DRC11: variants seen among roughly 807,000 people sequenced by gnomAD.
DRC11 encodes the protein dynein regulatory complex subunit 11.
the DRC11 span, among the ~76,000 whole-genome samples, chr2:236,461,635 C>A: frequency 6.6e-6 from 1 of 152,166 alleles, no homozygotes; most frequent in African/African-American, 2.4e-5. The surrounding 1 kb of genome is among the most constrained non-coding windows in gnomAD (Gnocchi z 4.0). Context: ...GCAGTGGTTA[C>A]AGCCTGGAGA....
At chr2:236,500,917 C>T in the DRC11 span, among the ~76,000 whole-genome samples, 18,867 of 152,068 alleles carry the variant, frequency 0.12, 2,326 homozygotes, top group East Asian at 0.33. This position sits in a 1 kb window ranked among gnomAD's most constrained non-coding sequence, Gnocchi z 6.3. Flanking sequence ...AGCCTGGTCT[C>T]GAACTCCCAA....
At chr2:236,318,442 C>T in the DRC11 span, among the ~76,000 whole-genome samples, 1 of 152,022 alleles carries the variant, frequency 6.6e-6, no homozygotes, top group South Asian at 2.1e-4. The surrounding 1 kb of genome is among the most constrained non-coding windows in gnomAD (Gnocchi z 7.0). Flanking sequence ...TGTGTGAACA[C>T]ATGCATGTGT....
chr2:236,371,486 T>A, the DRC11 span, among the ~76,000 whole-genome samples: 2 of 152,082 alleles, frequency 1.3e-5, no homozygotes, highest in Non-Finnish European at 2.9e-5. The surrounding 1 kb of genome is among the most constrained non-coding windows in gnomAD (Gnocchi z 5.1). Context: ...CCTGAGTTTA[T>A]GTGATCAGGA....
the DRC11 span, among the ~76,000 whole-genome samples, chr2:236,347,930 C>T: frequency 3.9e-5 from 6 of 152,148 alleles, no homozygotes; most frequent in Admixed American, 6.5e-5. Context: ...CCAGTGGACT[C>T]GAGGAGCTAG....
At chr2:236,337,378 C>CT in the DRC11 span, among the ~76,000 whole-genome samples, 1 of 152,218 alleles carries the variant, frequency 6.6e-6, no homozygotes, top group South Asian at 2.1e-4. The surrounding 1 kb of genome is among the most constrained non-coding windows in gnomAD (Gnocchi z 4.9). Context: ...CCCACACCAC[C>CT]TTCTTCTCTT....
the DRC11 span, among the ~76,000 whole-genome samples, chr2:236,461,752 A>G: frequency 2.0e-5 from 3 of 152,186 alleles, no homozygotes; most frequent in Non-Finnish European, 4.4e-5. This position sits in a 1 kb window ranked among gnomAD's most constrained non-coding sequence, Gnocchi z 4.0. Flanking sequence ...AAACTGACGC[A>G]CAGAGAAGCT....
At chr2:236,350,141 G>A in the DRC11 span, among the ~76,000 whole-genome samples, 3 of 152,214 alleles carry the variant, frequency 2.0e-5, no homozygotes, top group Admixed American at 6.5e-5. This position sits in a 1 kb window ranked among gnomAD's most constrained non-coding sequence, Gnocchi z 5.2. Flanking sequence ...ATGATTTTGA[G>A]ACCCACAATC....
At chr2:236,480,216 G>A in the DRC11 span, among the ~76,000 whole-genome samples, 2 of 151,992 alleles carry the variant, frequency 1.3e-5, no homozygotes, top group Non-Finnish European at 2.9e-5. Context: ...CCTTGGGATA[G>A]TCTTATTTGG....
At chr2:236,378,175 A>C in the DRC11 span, among the ~76,000 whole-genome samples, 1 of 152,214 alleles carries the variant, frequency 6.6e-6, no homozygotes, top group Non-Finnish European at 1.5e-5. Context: ...TATTGCATCA[A>C]ACATTTAAAG....
At chr2:236,492,553 T>C in the DRC11 span, among the ~76,000 whole-genome samples, 1 of 152,230 alleles carries the variant, frequency 6.6e-6, no homozygotes, top group Non-Finnish European at 1.5e-5. Context: ...TGGCCTGCAG[T>C]TGCAGCCTCA....
the DRC11 span, among the ~76,000 whole-genome samples, chr2:236,385,388 G>A: frequency 1.9e-4 from 28 of 146,030 alleles, no homozygotes; most frequent in Non-Finnish European, 3.2e-4. Context: ...TCCCTTGTAA[G>A]TTGGATTCCT....
At chr2:236,419,022 A>G in the DRC11 span, 1 of 1,360,536 alleles carries the variant, frequency 7.4e-7, no homozygotes, top group Admixed American at 3.2e-5. The surrounding 1 kb of genome is among the most constrained non-coding windows in gnomAD (Gnocchi z 4.8). Flanking sequence ...GGTAGATAAC[A>G]TGGTTTCTCT....
the DRC11 span, among the ~76,000 whole-genome samples, chr2:236,394,183 C>A: frequency 6.6e-6 from 1 of 152,144 alleles, no homozygotes; most frequent in Non-Finnish European, 1.5e-5. This position sits in a 1 kb window ranked among gnomAD's most constrained non-coding sequence, Gnocchi z 7.0. Context: ...ACACCAGAAA[C>A]AGCTATGCCC....
At chr2:236,495,143 G>C in the DRC11 span, among the ~76,000 whole-genome samples, 1 of 152,152 alleles carries the variant, frequency 6.6e-6, no homozygotes, top group South Asian at 2.1e-4. This position sits in a 1 kb window ranked among gnomAD's most constrained non-coding sequence, Gnocchi z 5.6. Flanking sequence ...AGGAGTTCGA[G>C]ACCAGCCTGG....
chr2:236,433,886 T>G, the DRC11 span, among the ~76,000 whole-genome samples: 2 of 152,234 alleles, frequency 1.3e-5, no homozygotes, highest in Admixed American at 1.3e-4. Flanking sequence ...ACACTGGGTT[T>G]TGAATTAAGA....
At chr2:236,334,842 T>C in the DRC11 span, among the ~76,000 whole-genome samples, 1 of 151,878 alleles carries the variant, frequency 6.6e-6, no homozygotes, top group Non-Finnish European at 1.5e-5. The surrounding 1 kb of genome is among the most constrained non-coding windows in gnomAD (Gnocchi z 7.8). Context: ...TGGGTGGGCC[T>C]GTGATGAATT....
the DRC11 span, among the ~76,000 whole-genome samples, chr2:236,488,348 T>C: frequency 6.6e-6 from 1 of 152,214 alleles, no homozygotes; most frequent in Non-Finnish European, 1.5e-5. Context: ...ATTTTTCCAG[T>C]GAATGATGTA....
At chr2:236,380,559 C>A in the DRC11 span, 2 of 1,550,064 alleles carry the variant, frequency 1.3e-6, no homozygotes, top group Non-Finnish European at 1.7e-6. The surrounding 1 kb of genome is among the most constrained non-coding windows in gnomAD (Gnocchi z 4.9). Flanking sequence ...ACAACGAGTC[C>A]ATTCCTCACC....
At chr2:236,353,926 A>C in the DRC11 span, among the ~76,000 whole-genome samples, 1 of 152,204 alleles carries the variant, frequency 6.6e-6, no homozygotes, top group African/African-American at 2.4e-5. The surrounding 1 kb of genome is among the most constrained non-coding windows in gnomAD (Gnocchi z 5.0). Context: ...CATTTCCACT[A>C]TTTAAAAATT....
Sources: allele counts gnomAD v4.1 joint callset (sites outside exome capture counted in the v4.1 genomes callset), GRCh38; gene constraint gnomAD v4.1.1; non-coding constraint Gnocchi (gnomAD v3.1); transcripts MANE v1.5; gene names NCBI Gene and HGNC (gene_info 2026-07-23, HGNC 2026-07-21).